Variants in FMN2 observed in about 807,000 individuals in gnomAD.
The protein encoded by FMN2 is formin 2.
Under a neutral mutation model 142.3 loss-of-function variants are expected in FMN2, and 51 were observed. The observed-to-expected ratio is 0.36, with a 90% confidence interval of 0.29 to 0.45. The LOEUF (loss-of-function observed/expected upper bound fraction) is 0.45, where lower values mean the gene tolerates loss of function less well. Ranked by LOEUF, FMN2 falls within the 20% of genes least tolerant of loss-of-function variation. The pLI is 1.00. For missense variants in FMN2, 1,936 were observed against 2,122.8 expected (o/e 0.91, Z 1.73); for synonymous variants, 882 against 869.8 (o/e 1.01, Z -0.25).
chr1:240,458,103 C>T (rs1314565214), intron 16 of FMN2: 1 of 152,102 alleles, frequency 6.6e-6, no homozygotes, highest in Non-Finnish European at 1.5e-5. Context: ...TGTAAAGGGT[C>T]ACAATGGAAA....
intron 6 of FMN2, among the ~76,000 whole-genome samples, chr1:240,226,665 GCTGC>G: frequency 6.6e-6 from 1 of 152,104 alleles, no homozygotes; most frequent in African/African-American, 2.4e-5. Context: ...ATAGTTTGTG[GCTGC>G]AGTGAGCTAT....
intron 2 of FMN2, among the ~76,000 whole-genome samples, chr1:240,158,356 A>G (rs1041538449): frequency 1.3e-5 from 2 of 152,162 alleles, no homozygotes; most frequent in Non-Finnish European, 2.9e-5. Context: ...ACCTTGGGTA[A>G]GTCAACTGAC....
At chr1:240,325,289 G>A (rs1211581968) in intron 8 of FMN2, among the ~76,000 whole-genome samples, 1 of 146,836 alleles carries the variant, frequency 6.8e-6, no homozygotes, top group East Asian at 2.0e-4. Context: ...GCTGCAGTAA[G>A]CTGAGATCGC....
In FMN2 at chr1:240,093,151, G is replaced by A; in HGVS notation, c.1042G>A (p.Glu348Lys). Reference sequence around the variant, plus strand: ...GCGAGGGGCTGGGGACACGGATGAGGAGGGTGAGGAGGATGCTTTTGAGGA... The same window carrying A: ...GCGAGGGGCTGGGGACACGGATGAGAAGGGTGAGGAGGATGCTTTTGAGGA... ...PVRGAGDTDE[E>K]GEEDAFEDAP... The change falls in exon 1 of 18, where the codon GAG becomes AAG. Residue 348 changes from glutamate (E) to lysine (K), a missense_variant. Transcript: ENST00000319653. 1 of 1,429,328 alleles carries A rather than the reference G, an allele frequency of 7.0e-7. No homozygotes were observed. The highest frequency in any genetic ancestry group is 1.5e-5 in the South Asian group (1 of 66,746). 88.5% of individuals were successfully genotyped at this position (1,429,328 alleles called of 1,614,324 possible). A position where few individuals can be genotyped will look rare whatever the true frequency, so the allele number is the denominator to read the frequency against.
intron 15 of FMN2, among the ~76,000 whole-genome samples, chr1:240,401,917 G>A (rs974453471): frequency 3.9e-5 from 6 of 152,164 alleles, no homozygotes; most frequent in Non-Finnish European, 8.8e-5. Context: ...CCTCCACTTC[G>A]TCATATGTAA....
intron 2 of FMN2, chr1:240,170,283 G>A: frequency 1.8e-6 from 2 of 1,132,704 alleles, no homozygotes; most frequent in South Asian, 2.5e-5. Flanking sequence ...TTTGAATCAA[G>A]ATCATTGCCA....
chr1:240,125,569 A>C (rs1662462983), intron 2 of FMN2, among the ~76,000 whole-genome samples: 1 of 152,214 alleles, frequency 6.6e-6, no homozygotes, highest in South Asian at 2.1e-4. Flanking sequence ...GCAAAGGCAA[A>C]CACTAGCCAT....
chr1:240,253,111 C>G (rs1290331062), intron 6 of FMN2, among the ~76,000 whole-genome samples: 1 of 151,380 alleles, frequency 6.6e-6, no homozygotes, highest in East Asian at 1.9e-4. Context: ...CACCACCACA[C>G]CCAGCTAATT....
At chr1:240,258,327 A>T (rs985049488) in intron 7 of FMN2, among the ~76,000 whole-genome samples, 3 of 152,178 alleles carry the variant, frequency 2.0e-5, no homozygotes, top group African/African-American at 7.2e-5. Context: ...AATAAGAGAA[A>T]TTTATTTCTC....
At chr1:240,295,225 C>T (rs1392553378) in intron 8 of FMN2, among the ~76,000 whole-genome samples, 1 of 141,068 alleles carries the variant, frequency 7.1e-6, no homozygotes, top group Non-Finnish European at 1.6e-5. Context: ...CACACACACA[C>T]TCACACACAC....
intron 2 of FMN2, among the ~76,000 whole-genome samples, chr1:240,161,532 GA>G (rs35184213): frequency 0.032 from 4,265 of 134,594 alleles, 138 homozygotes; most frequent in African/African-American, 0.09. Context: ...GACTCCACCT[GA>G]AAAAAAAAAA....
intron 8 of FMN2, among the ~76,000 whole-genome samples, chr1:240,323,787 C>T (rs73124126): frequency 0.011 from 1,683 of 152,268 alleles, 31 homozygotes; most frequent in African/African-American, 0.037. Context: ...CCTCCTCTTG[C>T]CTGTTTCTTG....
In FMN2 at chr1:240,395,654, A is replaced by G. The variant is rs1005959838; in HGVS notation, c.4910+3092A>G. ...GTAACTGCAAATGTGGTAGAAATAG[A>G]AAGAGAATTAGAGGTAGAGTCTGAA... On this transcript the variant is annotated intron_variant, in intron 15 of 17. Coordinates refer to ENST00000319653, the MANE Select transcript of FMN2 (RefSeq NM_020066.5). Among the ~76,000 whole-genome samples the G allele has an allele frequency of 3.9e-5, 6 of 152,206 alleles. No homozygotes were observed. The South Asian group carries it at 8.3e-4, about 21-fold the overall frequency.
At chr1:240,131,825 G>T (rs913252755) in intron 2 of FMN2, among the ~76,000 whole-genome samples, 1 of 152,214 alleles carries the variant, frequency 6.6e-6, no homozygotes, top group African/African-American at 2.4e-5. Context: ...TGCGTAGAAA[G>T]GAGACCAGGG....
At chr1:240,361,142 T>A (rs1410725092) in intron 14 of FMN2, among the ~76,000 whole-genome samples, 552 of 2,010 alleles carry the variant, frequency 0.27, 7 homozygotes, top group African/African-American at 0.46. Flanking sequence ...AATATATGTG[T>A]ATATATATAT....
chr1:240,099,982 C>T (rs1239441773), intron 1 of FMN2, among the ~76,000 whole-genome samples: 3 of 152,046 alleles, frequency 2.0e-5, no homozygotes, highest in East Asian at 1.9e-4. Context: ...TGTAAAGCAC[C>T]GACTGTACTG....
At chr1:240,098,733 A>G (rs547564913) in intron 1 of FMN2, among the ~76,000 whole-genome samples, 177 of 152,280 alleles carry the variant, frequency 1.2e-3, no homozygotes, top group Middle Eastern at 0.01. Flanking sequence ...ATCCTTTCTC[A>G]TGGTTTCTTT....
chr1:240,367,767 C>CAAA (rs60368715), intron 14 of FMN2, among the ~76,000 whole-genome samples: 10 of 54,040 alleles, frequency 1.9e-4, no homozygotes, highest in South Asian at 7.7e-4. Flanking sequence ...GACTCAGTCT[C>CAAA]AAAAAAAAAA....
intron 15 of FMN2, chr1:240,400,819 A>G (rs1447387148): frequency 1.3e-5 from 2 of 151,838 alleles, no homozygotes; most frequent in Non-Finnish European, 1.5e-5. Context: ...CACACACACA[A>G]TTGAAACAAA....
Sources: gnomAD v4.1 joint callset for allele counts (sites outside exome capture counted in the v4.1 genomes callset) on GRCh38, gnomAD v4.1.1 for gene constraint, MANE v1.5 for transcripts, NCBI Gene and HGNC (gene_info 2026-07-23, HGNC 2026-07-21) for gene names.